Variants in RFX3 observed in about 807,000 individuals in gnomAD.
The protein encoded by RFX3 is regulatory factor X3, also known as transcription factor RFX3.
Under a neutral mutation model 98.6 loss-of-function variants are expected in RFX3, and 14 were observed. The observed-to-expected ratio is 0.14, with a 90% CI of 0.09 to 0.22. The LOEUF is 0.22. Among genes scored for constraint, RFX3 ranks in the 10% least tolerant of loss-of-function variants. The pLI is 1.00. For synonymous variants in RFX3, 383 were observed against 328.4 expected (o/e 1.17, Z -1.80); for missense variants, 639 against 926.9 (o/e 0.69, Z 4.03).
chr9:3,253,599 G>T (rs1256879201), intron 14 of RFX3, among the ~76,000 whole-genome samples: 1 of 152,030 alleles, frequency 6.6e-6, no homozygotes, highest in Non-Finnish European at 1.5e-5. Context: ...TGACAGCCAG[G>T]TTAGGCAAGG....
chr9:3,277,521 AC>A (rs2131424433), intron 7 of RFX3, 60 bp from the exon 8 acceptor site: 1 of 1,441,296 alleles, frequency 6.9e-7, no homozygotes, highest in Non-Finnish European at 9.7e-7. Flanking sequence ...TTTTTGTACT[AC>A]CCGAAACTCC....
At chr9:3,333,572 C>T (rs1261859327) in intron 3 of RFX3, among the ~76,000 whole-genome samples, 3 of 151,564 alleles carry the variant, frequency 2.0e-5, no homozygotes, top group African/African-American at 7.3e-5. Context: ...ATAAAACAGC[C>T]ATGTTGGTTT....
At chr9:3,518,833 T>C (rs116975424) in intron 1 of RFX3, among the ~76,000 whole-genome samples, 3,871 of 152,268 alleles carry the variant, frequency 0.025, 67 homozygotes, top group Middle Eastern at 0.041. Flanking sequence ...AAGATTGGGA[T>C]TGACAAATCA....
At chr9:3,290,909 A>T (rs1323126946) in intron 6 of RFX3, among the ~76,000 whole-genome samples, 2 of 152,156 alleles carry the variant, frequency 1.3e-5, no homozygotes, top group African/African-American at 4.8e-5. Context: ...ACCAGAAAAA[A>T]TTCCCCTCAC....
At chr9:3,329,013 G>C (rs951788576) in intron 4 of RFX3, among the ~76,000 whole-genome samples, 5 of 152,162 alleles carry the variant, frequency 3.3e-5, no homozygotes, top group Non-Finnish European at 7.4e-5. Flanking sequence ...ATGCTTAGTA[G>C]AGGTGAAAAG....
At chr9:3,467,601 G>C (rs149771986) in intron 1 of RFX3, among the ~76,000 whole-genome samples, 1 of 152,062 alleles carries the variant, frequency 6.6e-6, no homozygotes, top group African/African-American at 2.4e-5. Flanking sequence ...GAAAATACTG[G>C]ACTAGTAGCT....
intron 1 of RFX3, among the ~76,000 whole-genome samples, chr9:3,464,998 T>C (rs955646428): frequency 6.6e-6 from 1 of 152,182 alleles, no homozygotes; most frequent in South Asian, 2.1e-4. Flanking sequence ...ACTTAATTTA[T>C]ATTCACAAGC....
intron 4 of RFX3, among the ~76,000 whole-genome samples, chr9:3,311,484 A>G (rs1208120596): frequency 6.6e-6 from 1 of 152,222 alleles, no homozygotes; most frequent in African/African-American, 2.4e-5. Flanking sequence ...ACAACAAAAG[A>G]AAGAACACTT....
At chr9:3,305,336 T>C (rs1169968835) in intron 4 of RFX3, among the ~76,000 whole-genome samples, 9 of 151,884 alleles carry the variant, frequency 5.9e-5, no homozygotes, top group African/African-American at 1.7e-4. Flanking sequence ...GTATGAAAAA[T>C]GCTAATTTTC....
At position 3,405,591 on chromosome 9, in the gene RFX3, A is replaced by G. The variant is rs116233194; in HGVS notation, c.-8-9995T>C. Among the ~76,000 whole-genome samples, 388 of 152,306 alleles carry G rather than the reference A, an allele frequency of 2.5e-3. 1 individual carries two copies. The highest frequency in any genetic ancestry group is 9.1e-3 in the African/African-American group (377 of 41,590). On this transcript the variant is annotated intron_variant, in intron 1 of 16. Coordinates refer to ENST00000617270, the MANE Select transcript of RFX3 (RefSeq NM_001282116.2). ...TCAAATTCTACTGACGGCATAAGAT[A>G]AAAGTGGTAATCTTGGGATCCAGTC...
chr9:3,237,857 G>A (rs1160425371), intron 15 of RFX3, among the ~76,000 whole-genome samples: 1 of 152,092 alleles, frequency 6.6e-6, no homozygotes. Flanking sequence ...GCCTGACCTG[G>A]GTTTGAATCA....
intron 1 of RFX3, among the ~76,000 whole-genome samples, chr9:3,497,128 C>G (rs1377826129): frequency 6.6e-6 from 1 of 151,952 alleles, no homozygotes; most frequent in African/African-American, 2.4e-5. Flanking sequence ...TGCCATACCT[C>G]GTGATGTGAA....
At chr9:3,453,425 G>C (rs1036635327) in intron 1 of RFX3, 1 of 151,856 alleles carries the variant, frequency 6.6e-6, no homozygotes, top group Non-Finnish European at 1.5e-5. Flanking sequence ...TTCTGTCTCG[G>C]CACAGTGGCT....
chr9:3,371,727 C>T (rs1278115252), intron 2 of RFX3, among the ~76,000 whole-genome samples: 1 of 151,998 alleles, frequency 6.6e-6, no homozygotes, highest in Non-Finnish European at 1.5e-5. Context: ...ACAAAGAAAA[C>T]CTAAAATAAT....
At chr9:3,461,526 A>G (rs927091744) in intron 1 of RFX3, among the ~76,000 whole-genome samples, 18 of 152,054 alleles carry the variant, frequency 1.2e-4, no homozygotes, top group Admixed American at 8.5e-4. Flanking sequence ...TGTTCAAGGA[A>G]TAGTTTCCTG....
chr9:3,337,202 G>A (rs190593361), intron 3 of RFX3, among the ~76,000 whole-genome samples: 71 of 152,210 alleles, frequency 4.7e-4, no homozygotes, highest in Admixed American at 2.4e-3. Flanking sequence ...ACTGAGATGG[G>A]CCATGTAAGA....
intron 1 of RFX3, among the ~76,000 whole-genome samples, chr9:3,411,163 T>A (rs1327835622): frequency 1.3e-5 from 2 of 152,168 alleles, no homozygotes; most frequent in African/African-American, 4.8e-5. Context: ...GTTTTCTAAA[T>A]AAAACGGAAA....
intron 3 of RFX3, among the ~76,000 whole-genome samples, chr9:3,333,434 TG>T (rs1481404772): frequency 1.4e-5 from 2 of 140,560 alleles, no homozygotes; most frequent in African/African-American, 5.5e-5. Flanking sequence ...TCATAGAAAA[TG>T]TTTTTTTTTT....
At chr9:3,235,913 A>G (rs1404551871) in intron 15 of RFX3, among the ~76,000 whole-genome samples, 3 of 152,216 alleles carry the variant, frequency 2.0e-5, no homozygotes, top group African/African-American at 7.2e-5. Context: ...TCCAGGGATT[A>G]AGATGTAGAC....
Sources: allele counts gnomAD v4.1 joint callset (sites outside exome capture counted in the v4.1 genomes callset), GRCh38; gene constraint gnomAD v4.1.1; transcripts MANE v1.5; gene names NCBI Gene and HGNC (gene_info 2026-07-23, HGNC 2026-07-21).